Variants in CACNA1E observed in about 807,000 individuals in gnomAD.
CACNA1E encodes the protein calcium voltage-gated channel subunit alpha1 E.
Under a neutral mutation model 259.2 loss-of-function variants are expected in CACNA1E, and 40 were observed. The ratio of observed to expected loss-of-function variants is 0.15; its 90% CI spans 0.12 to 0.20. CACNA1E has a LOEUF of 0.20. Ranked by LOEUF, CACNA1E falls within the 10% of genes least tolerant of loss-of-function variation. The pLI, the probability that CACNA1E is intolerant of heterozygous loss-of-function variation, is 1.00. For missense variants in CACNA1E, 1,874 were observed against 3,040.1 expected (o/e 0.62, Z 9.02); for synonymous variants, 1,104 against 1,138.5 (o/e 0.97, Z 0.61).
At chr1:181,629,286 G>A (rs183823343) in intron 6 of CACNA1E, among the ~76,000 whole-genome samples, 1 of 152,324 alleles carries the variant, frequency 6.6e-6, no homozygotes, top group Admixed American at 6.5e-5. Flanking sequence ...CCTTCTACAT[G>A]GAGTGAGTTG....
intron 37 of CACNA1E, among the ~76,000 whole-genome samples, chr1:181,775,510 C>G (rs1345479644): frequency 6.6e-6 from 1 of 152,194 alleles, no homozygotes; most frequent in Non-Finnish European, 1.5e-5. Context: ...CACTTTATCT[C>G]TCTCCTCTCT....
chr1:181,388,077 C>T (rs113588640), intron 1 of CACNA1E, among the ~76,000 whole-genome samples: 4 of 152,348 alleles, frequency 2.6e-5, no homozygotes, highest in African/African-American at 7.2e-5. Flanking sequence ...CCTGTGGTCA[C>T]CTTGGCCGAT....
intron 1 of CACNA1E, among the ~76,000 whole-genome samples, chr1:181,334,399 C>A (rs1390681336): frequency 6.6e-6 from 1 of 152,174 alleles, no homozygotes; most frequent in South Asian, 2.1e-4. Context: ...ATATAGCTGG[C>A]CTTCTTCCTG....
At chr1:181,536,069 A>G (rs901093147) in intron 3 of CACNA1E, among the ~76,000 whole-genome samples, 1 of 152,184 alleles carries the variant, frequency 6.6e-6, no homozygotes, top group African/African-American at 2.4e-5. Flanking sequence ...TTGGTGCTGT[A>G]AAATTTCACT....
chr1:181,783,896 A>G (rs1334698050), intron 40 of CACNA1E, 112 bp downstream of exon 40: 16 of 655,578 alleles, frequency 2.4e-5, no homozygotes, highest in Non-Finnish European at 3.6e-5. Flanking sequence ...GGACACAATA[A>G]TGCAGTCATC....
chr1:181,700,759 A>C (rs1040413608), intron 7 of CACNA1E, among the ~76,000 whole-genome samples: 6 of 152,144 alleles, frequency 3.9e-5, no homozygotes, highest in Non-Finnish European at 1.5e-5. Context: ...ATCCCATCCC[A>C]TTTTAATTGC....
At chr1:181,544,705 A>G (rs529963501) in intron 3 of CACNA1E, among the ~76,000 whole-genome samples, 23 of 152,180 alleles carry the variant, frequency 1.5e-4, no homozygotes, top group African/African-American at 3.4e-4. Flanking sequence ...TTGTTGTTCT[A>G]TTGTGGCCCC....
In CACNA1E at chr1:181,511,400, C is replaced by G. The variant is rs1352808556; in HGVS notation, c.402C>G (p.Ile134Met). 1.9e-6 allele frequency: 3 copies of G among 1,614,020 alleles called. No homozygotes were observed. Among genetic ancestry groups the G allele is most frequent in the Non-Finnish European group, 2.5e-6 (3 of 1,179,880 alleles). The change falls in exon 3 of 48, where the codon ATC (isoleucine) becomes ATG (methionine). Residue 134 changes from isoleucine (I) to methionine (M), a missense_variant. Ile to Met is a conservative substitution (Grantham distance 10). This residue lies in a region of CACNA1E where 55 missense variants were observed against 156.5 expected (regional missense o/e 0.35). Coordinates refer to ENST00000367573, the MANE Select transcript of CACNA1E (RefSeq NM_001205293.3). ...AGACAGAACCTTATTTCATTGGGAT[C>G]TTTTGCTTTGAAGCTGGGATCAAAA... ...LEKTEPYFIG[I>M]FCFEAGIKIV...
At chr1:181,588,834 G>C (rs986701195) in intron 6 of CACNA1E, among the ~76,000 whole-genome samples, 1 of 152,192 alleles carries the variant, frequency 6.6e-6, no homozygotes, top group African/African-American at 2.4e-5. Context: ...TAGGACTGAG[G>C]GGCAGAAATT....
intron 1 of CACNA1E, among the ~76,000 whole-genome samples, chr1:181,332,738 G>T (rs934635528): frequency 6.6e-6 from 1 of 152,184 alleles, no homozygotes; most frequent in Non-Finnish European, 1.5e-5. Context: ...ATTAAACTTT[G>T]AGTGTGGTGA....
chr1:181,411,844 A>G (rs1251487238), intron 1 of CACNA1E, among the ~76,000 whole-genome samples: 1 of 152,254 alleles, frequency 6.6e-6, no homozygotes, highest in Admixed American at 6.5e-5. Flanking sequence ...TCCTGACCTC[A>G]AGTGATCTGC....
At chr1:181,618,251 C>T (rs1218419097) in intron 6 of CACNA1E, among the ~76,000 whole-genome samples, 1 of 152,160 alleles carries the variant, frequency 6.6e-6, no homozygotes, top group African/African-American at 2.4e-5. Context: ...ATGAGAGTCA[C>T]AGTGGTAGAG....
chr1:181,645,269 G>T (rs889088468), intron 6 of CACNA1E, among the ~76,000 whole-genome samples: 1 of 152,152 alleles, frequency 6.6e-6, no homozygotes, highest in African/African-American at 2.4e-5. Flanking sequence ...ACGTGAGGAA[G>T]ACCTTAAGGT....
intron 1 of CACNA1E, among the ~76,000 whole-genome samples, chr1:181,353,046 T>A (rs755467282): frequency 1.3e-5 from 2 of 152,214 alleles, no homozygotes; most frequent in Non-Finnish European, 2.9e-5. Context: ...TCTGGACAGC[T>A]GCTTGTTATT....
intron 25 of CACNA1E, chr1:181,745,327 A>G (rs373601681): frequency 1.4e-5 from 7 of 490,866 alleles, no homozygotes; most frequent in Non-Finnish European, 2.4e-5. Context: ...TGAACACCCA[A>G]GTATTTTTTT....
intron 2 of CACNA1E, among the ~76,000 whole-genome samples, chr1:181,464,357 G>T (rs1269378105): frequency 6.6e-6 from 1 of 150,720 alleles, no homozygotes; most frequent in African/African-American, 2.4e-5. Flanking sequence ...TTTAGTCCCT[G>T]GGCATGACTT....
chr1:181,564,070 T>C (rs931604724), intron 3 of CACNA1E, among the ~76,000 whole-genome samples: 1 of 152,212 alleles, frequency 6.6e-6, no homozygotes, highest in Non-Finnish European at 1.5e-5. Context: ...TGGATGTTAA[T>C]AGCTGCTGAC....
intron 2 of CACNA1E, among the ~76,000 whole-genome samples, chr1:181,416,768 G>T (rs1658304105): frequency 6.6e-6 from 1 of 152,074 alleles, no homozygotes; most frequent in South Asian, 2.1e-4. Context: ...TGCCAGCTGT[G>T]GCGTGCATGT....
chr1:181,772,895 C>T (rs902998282), intron 37 of CACNA1E, among the ~76,000 whole-genome samples: 3 of 152,186 alleles, frequency 2.0e-5, no homozygotes, highest in Non-Finnish European at 4.4e-5. Flanking sequence ...CTACGTGCCT[C>T]TGAAGTCTCT....
Sources: gnomAD v4.1 joint callset for allele counts (sites outside exome capture counted in the v4.1 genomes callset) on GRCh38, gnomAD v4.1.1 for gene constraint, gnomAD v4.1.1 regional missense constraint, MANE v1.5 for transcripts, NCBI Gene and HGNC (gene_info 2026-07-23, HGNC 2026-07-21) for gene names.